Variants in YJEFN3 observed in about 807,000 individuals in gnomAD.
The protein encoded by YJEFN3 is yjeF N-terminal domain-containing protein 3.
A neutral mutation model predicts 31.5 loss-of-function variants in YJEFN3; 29 were observed. That is an observed-to-expected ratio of 0.92 (90% CI 0.69 to 1.26). The LOEUF is 1.26. YJEFN3 is among the 50% of genes most tolerant of loss of function. The probability of loss-of-function intolerance (pLI) is 0.00; values close to 1 mark genes in which losing one functional copy is unlikely to be tolerated. For missense variants in YJEFN3, 442 were observed against 425.4 expected, an observed-to-expected ratio of 1.04 and a Z score of -0.34; for synonymous variants, 227 against 196.1, an observed-to-expected ratio of 1.16 and a Z score of -1.32.
At chr19:19,532,522 T>C in intron 2 of YJEFN3, 110 bp from the exon 3 acceptor site, 2 of 665,768 alleles carry the variant, frequency 3.0e-6, no homozygotes, top group Non-Finnish European at 4.9e-6. Flanking sequence ...GGGTACGGGG[T>C]GGGAGGGTGG....
In YJEFN3 at chr19:19,529,412, T is replaced by A; in HGVS notation, c.108T>A (p.Leu36=). The A allele has an allele frequency of 6.2e-7, 1 of 1,614,144 alleles. No homozygotes were observed. The highest frequency in any genetic ancestry group is 8.5e-7 in the Non-Finnish European group (1 of 1,179,998). ...TTGCCGACATGGGAAGAGCGGAGCT[T>A]AGCTCAAATGCTACCACCTCCCTTG... ...PPLADMGRAE[L]SSNATTSLVQ... Residue 36 remains leucine, a synonymous_variant, in exon 2 of 7, where the codon CTT becomes CTA. Transcript: ENST00000514277.
chr19:19,532,741 G>T lies in YJEFN3; in HGVS notation c.318+1G>T, dbSNP rs1568364252. ...TGCTAGTGCCGTGGCTGTGACCAAG[G>T]TACCTGACCCCTGACCCCCAACCCT... On this transcript the variant is annotated splice_donor_variant, in intron 3 of 6. Transcript: ENST00000514277. LOFTEE classifies it high-confidence loss of function. The T allele has an allele frequency of 1.3e-6, 2 of 1,560,840 alleles. No individual in the cohort carries two copies. Among genetic ancestry groups the T allele is most frequent in the East Asian group, 2.4e-5 (1 of 41,948 alleles).
chr19:19,529,041 A>C, intron 1 of YJEFN3, 50 bp downstream of exon 1: 1 of 1,546,662 alleles, frequency 6.5e-7, no homozygotes, highest in Non-Finnish European at 8.7e-7. Flanking sequence ...CCATGGGGCC[A>C]GGAGCAGCCC....
intron 3 of YJEFN3, chr19:19,533,633 T>A: frequency 1.0e-6 from 1 of 970,868 alleles, no homozygotes; most frequent in Non-Finnish European, 1.2e-6. Flanking sequence ...ATTCTCTCCC[T>A]CCTCACCCCT....
Position 19,531,718 on chromosome 19 carries a change from C to CTTTTTTTTTTTTTTTTTTTTTTTTT in YJEFN3, c.210-908_210-884dup, listed in dbSNP as rs56747140. Among the ~76,000 whole-genome samples, 5 of 75,864 alleles carry CTTTTTTTTTTTTTTTTTTTTTTTTT rather than the reference C, an allele frequency of 6.6e-5. 2 individuals are homozygous for CTTTTTTTTTTTTTTTTTTTTTTTTT. Among genetic ancestry groups the CTTTTTTTTTTTTTTTTTTTTTTTTT allele is most frequent in the African/African-American group, 3.8e-4 (5 of 13,252 alleles). 49.8% of individuals were successfully genotyped at this position (75,864 alleles called of 152,430 possible). A position where few individuals can be genotyped will look rare whatever the true frequency, so the allele number is the denominator to read the frequency against. On this transcript the variant is annotated intron_variant, in intron 2 of 6. Transcript: ENST00000514277. ...GCCACATTTTCTGGCAACAAATAAC[C>CTTTTTTTTTTTTTTTTTTTTTTTTT]TTTTTTTTTTTTTTTTTTTTTTTTT...
intron 4 of YJEFN3, 29 bp from the exon 5 acceptor site, chr19:19,535,308 A>T: frequency 1.3e-6 from 2 of 1,597,992 alleles, no homozygotes; most frequent in Non-Finnish European, 1.7e-6. Flanking sequence ...AGGTCAGGGG[A>T]GTCTGACCCC....
chr19:19,536,644 A>C (rs890321829), intron 6 of YJEFN3, among the ~76,000 whole-genome samples: 1 of 151,566 alleles, frequency 6.6e-6, no homozygotes, highest in East Asian at 1.9e-4. Flanking sequence ...GTGCCACTGC[A>C]CTCCAGCCTG....
intron 2 of YJEFN3, 31 bp downstream of exon 2, chr19:19,529,544 C>T (rs768450703): frequency 2.5e-6 from 4 of 1,604,016 alleles, no homozygotes; most frequent in African/African-American, 1.3e-5. Context: ...GAACTGGCGC[C>T]GTGGCTGTGA....
At chr19:19,531,545 C>T (rs541974563) in intron 2 of YJEFN3, among the ~76,000 whole-genome samples, 2 of 151,938 alleles carry the variant, frequency 1.3e-5, no homozygotes, top group Non-Finnish European at 2.9e-5. Context: ...CCTCCTGGGT[C>T]ACCGGGATTA....
Position 19,534,075 on chromosome 19 carries a change from C to T in YJEFN3, c.319-959C>T, listed in dbSNP as rs187591290. 4.0e-4 allele frequency: 394 copies of T among 985,584 alleles called. No individual in the cohort carries two copies. In the African/African-American group the frequency reaches 5.9e-3, roughly 15 times the overall value. 61.1% of individuals were successfully genotyped at this position (985,584 alleles called of 1,614,324 possible). On this transcript the variant is annotated intron_variant, in intron 3 of 6. Transcript: ENST00000514277. This position sits in a 1 kb window ranked among gnomAD's most constrained non-coding sequence, Gnocchi z 4.6. ...GCCTGTCAGGCGGTGGCACTGTCAT[C>T]GCATTTGATAAAGGCCAAACTGAGT...
chr19:19,532,638 G>A lies in YJEFN3; in HGVS notation c.216G>A (p.Ala72=), dbSNP rs977804843. ...CATCCCACTCTGTCCCCAGCACCGC[G>A]GAGGCAGCCGCCCTGGAGCGGGAGC... ...WNAGPVCQST[A]EAAALERELL... Residue 72 remains alanine, a synonymous_variant, in exon 3 of 7, where the codon GCG becomes GCA. Coordinates refer to ENST00000514277, the MANE Select transcript of YJEFN3 (RefSeq NM_198537.4). 6 of 1,553,176 alleles carry A rather than the reference G, an allele frequency of 3.9e-6. No individual in the cohort carries two copies. Among genetic ancestry groups the A allele is most frequent in the African/African-American group, 1.4e-5 (1 of 73,582 alleles).
Position 19,534,661 on chromosome 19 carries a change from A to T in YJEFN3, c.319-373A>T, listed in dbSNP as rs540759090. The T allele has an allele frequency of 1.9e-4, 31 of 167,324 alleles. No individual in the cohort carries two copies. Among genetic ancestry groups the T allele is most frequent in the Non-Finnish European group, 3.5e-4 (28 of 80,802 alleles). The allele number at this position is 167,324 out of a possible 1,614,324, so 10.4% of individuals were successfully genotyped here. A position where few individuals can be genotyped will look rare whatever the true frequency, so the allele number is the denominator to read the frequency against. ...ATCGTGGCTAAGGTTGGGCTCCCCT[A>T]CTCCACAGCCTCCAGGAGGGGCTGA... On this transcript the variant is annotated intron_variant, in intron 3 of 6. Coordinates refer to ENST00000514277, the MANE Select transcript of YJEFN3 (RefSeq NM_198537.4). This position sits in a 1 kb window ranked among gnomAD's most constrained non-coding sequence, Gnocchi z 4.6.
chr19:19,536,017 G>A (rs1028657444), intron 6 of YJEFN3: 15 of 532,480 alleles, frequency 2.8e-5, no homozygotes, highest in Admixed American at 1.1e-4. Context: ...ACCATTAGGC[G>A]ACAGGCAGAC....
Position 19,532,725 on chromosome 19 carries a change from C to G in YJEFN3, c.303C>G (p.Ala101=). Reference sequence around the variant, plus strand: ...TGGAGCTGTGCGGTCATGCTAGTGCCGTGGCTGTGACCAAGGTACCTGACC... The same window carrying G: ...TGGAGCTGTGCGGTCATGCTAGTGCGGTGGCTGTGACCAAGGTACCTGACC... ...QLVELCGHAS[A]VAVTKAFPLP... Residue 101 remains alanine, a synonymous_variant, in exon 3 of 7, where the codon GCC becomes GCG. Transcript: ENST00000514277. The G allele has an allele frequency of 6.4e-7, 1 of 1,570,768 alleles. No individual in the cohort carries two copies.
intron 6 of YJEFN3, 181 bp downstream of exon 6, chr19:19,535,860 C>A: frequency 1.3e-6 from 1 of 780,448 alleles, no homozygotes; most frequent in Non-Finnish European, 2.1e-6. Context: ...AGGCTGCCAC[C>A]CCAGGTGACC....
chr19:19,536,342 TAGG>T (rs757453146), intron 6 of YJEFN3, among the ~76,000 whole-genome samples: 1 of 152,046 alleles, frequency 6.6e-6, no homozygotes, highest in Non-Finnish European at 1.5e-5. Flanking sequence ...AAGTCAGAGA[TAGG>T]AGAGAAGGCA....
chr19:19,536,014 G>A (rs996365230), intron 6 of YJEFN3: 1 of 534,564 alleles, frequency 1.9e-6, no homozygotes, highest in Admixed American at 3.7e-5. Flanking sequence ...GGAACCATTA[G>A]GCGACAGGCA....
intron 6 of YJEFN3, 46 bp downstream of exon 6, chr19:19,535,725 TG>T (rs1182468861): frequency 5.2e-6 from 8 of 1,537,406 alleles, no homozygotes; most frequent in Admixed American, 2.0e-5. Flanking sequence ...GGGGCTTGGG[TG>T]GAGGCCCCTG....
In YJEFN3 at chr19:19,535,124, G is replaced by C; in HGVS notation, c.409G>C (p.Ala137Pro). The C allele has an allele frequency of 6.2e-7, 1 of 1,608,794 alleles. No individual in the cohort carries two copies. The highest frequency in any genetic ancestry group is 8.5e-7 in the Non-Finnish European group (1 of 1,176,958). Reference protein sequence around the residue: ...EQNGAVGLVCARHLRVFEYEP... With the variant: ...EQNGAVGLVCPRHLRVFEYEP... Reference sequence around the variant, plus strand: ...GAACGGGGCAGTGGGGCTGGTCTGTGCCCGGCACCTGCGGGTGTTTGTAAG... The same window carrying C: ...GAACGGGGCAGTGGGGCTGGTCTGTCCCCGGCACCTGCGGGTGTTTGTAAG... Residue 137 changes from alanine (A) to proline (P), a missense_variant, in exon 4 of 7, where the codon GCC becomes CCC. Ala to Pro is a conservative substitution (Grantham distance 27, BLOSUM62 -1). Transcript: ENST00000514277.
Sources: gnomAD v4.1 joint callset for allele counts (sites outside exome capture counted in the v4.1 genomes callset) on GRCh38, gnomAD v4.1.1 for gene constraint, Gnocchi (gnomAD v3.1) non-coding constraint, MANE v1.5 for transcripts, NCBI Gene and HGNC (gene_info 2026-07-23, HGNC 2026-07-21) for gene names.